Variants in NAALAD2 observed in about 807,000 individuals in gnomAD.
The protein encoded by NAALAD2 is N-acetylated alpha-linked acidic dipeptidase 2, also known as N-acetylated-alpha-linked acidic dipeptidase 2.
NAALAD2 carries 89 observed loss-of-function variants against 95.6 expected under a neutral mutation model. The observed-to-expected ratio is 0.93, with a 90% confidence interval of 0.78 to 1.11. The LOEUF (loss-of-function observed/expected upper bound fraction) is 1.11. Among genes scored for constraint, NAALAD2 ranks in the 50% least tolerant of loss-of-function variants. The probability of loss-of-function intolerance (pLI) is 0.00; values close to 1 mark genes in which losing one functional copy is unlikely to be tolerated. For synonymous variants in NAALAD2, 264 were observed against 294.4 expected, an observed-to-expected ratio of 0.90 and a Z score of 1.06; for missense variants, 894 against 872.4, an observed-to-expected ratio of 1.02 and a Z score of -0.31.
At chr11:90,161,470 C>T (rs777216003) in intron 8 of NAALAD2, among the ~76,000 whole-genome samples, 8 of 152,012 alleles carry the variant, frequency 5.3e-5, no homozygotes, top group South Asian at 2.1e-4. Flanking sequence ...TCCTATGCCC[C>T]GGGAACCATT....
chr11:90,165,786 C>T (rs896604539), intron 11 of NAALAD2, among the ~76,000 whole-genome samples: 3 of 152,046 alleles, frequency 2.0e-5, no homozygotes, highest in Non-Finnish European at 4.4e-5. Context: ...TAGAAACATG[C>T]GATTTAGAAA....
At chr11:90,149,962 A>G (rs1222726975) in intron 4 of NAALAD2, among the ~76,000 whole-genome samples, 1 of 151,974 alleles carries the variant, frequency 6.6e-6, no homozygotes. Context: ...TGCTGTTTAG[A>G]TATGTCTGGC....
intron 18 of NAALAD2, among the ~76,000 whole-genome samples, chr11:90,189,002 C>A (rs1369311770): frequency 6.6e-6 from 1 of 152,160 alleles, no homozygotes; most frequent in East Asian, 1.9e-4. Flanking sequence ...CACTAATCAG[C>A]TGAGTTAAAA....
intron 15 of NAALAD2, among the ~76,000 whole-genome samples, 185 bp from the exon 16 acceptor site, chr11:90,177,668 G>C (rs981892562): frequency 1.7e-4 from 16 of 94,650 alleles, no homozygotes; most frequent in African/African-American, 7.5e-4. Flanking sequence ...GCCCAGGCTG[G>C]TCTTGAACTC....
chr11:90,176,142 C>T (rs113512330), intron 15 of NAALAD2, 80 bp downstream of exon 15: 17 of 1,057,322 alleles, frequency 1.6e-5, no homozygotes, highest in African/African-American at 1.6e-4. Flanking sequence ...TTGTTTGGCA[C>T]CAGACACCTG....
chr11:90,177,586 GTTTTT>G (rs57694347), intron 15 of NAALAD2, among the ~76,000 whole-genome samples: 39 of 28,364 alleles, frequency 1.4e-3, no homozygotes, highest in African/African-American at 2.4e-3. Context: ...TCTTTTTCTT[GTTTTT>G]TTTTTTTTTT....
chr11:90,147,301 T>C (rs2186748), intron 2 of NAALAD2, 29 bp from the exon 3 acceptor site: 596,800 of 1,560,360 alleles, frequency 0.38, 119,468 homozygotes, highest in African/African-American at 0.63. Context: ...TAGTCTTTAA[T>C]GCCCTCTTAT....
chr11:90,139,148 T>C (rs1369997348), intron 2 of NAALAD2, among the ~76,000 whole-genome samples: 1 of 152,142 alleles, frequency 6.6e-6, no homozygotes, highest in Admixed American at 6.5e-5. Flanking sequence ...GGCAATCCCT[T>C]CCTGGCAAGG....
chr11:90,159,831 GT>G (rs760275845), intron 8 of NAALAD2, among the ~76,000 whole-genome samples: 5 of 151,412 alleles, frequency 3.3e-5, no homozygotes, highest in Admixed American at 3.3e-4. Context: ...GTGCATGCCT[GT>G]AATCCCAGCT....
chr11:90,191,207 C>T (rs1347402982), intron 18 of NAALAD2, among the ~76,000 whole-genome samples: 5 of 152,112 alleles, frequency 3.3e-5, no homozygotes, highest in African/African-American at 1.2e-4. Context: ...TTATCTTTCT[C>T]AATCTCCTCT....
chr11:90,190,039 T>C (rs1382616866), intron 18 of NAALAD2, among the ~76,000 whole-genome samples: 1 of 152,202 alleles, frequency 6.6e-6, no homozygotes, highest in Non-Finnish European at 1.5e-5. Context: ...AAAAGGGTAT[T>C]TGAGTTGCTT....
intron 1 of NAALAD2, chr11:90,135,238 A>AT: frequency 3.4e-6 from 1 of 296,760 alleles, no homozygotes; most frequent in South Asian, 9.0e-5. Context: ...ACGTAAATAA[A>AT]TATTTGTGGA....
At chr11:90,156,124 T>G (rs907473779) in intron 6 of NAALAD2, among the ~76,000 whole-genome samples, 1 of 151,954 alleles carries the variant, frequency 6.6e-6, no homozygotes, top group Non-Finnish European at 1.5e-5. Context: ...CATTTCTCCT[T>G]TAGTCCTGAT....
chr11:90,158,306 C>T, intron 7 of NAALAD2, 68 bp downstream of exon 7: 1 of 1,113,410 alleles, frequency 9.0e-7, no homozygotes, highest in Non-Finnish European at 1.4e-6. Flanking sequence ...TCATTGAAAA[C>T]CAATATGGCA....
At position 90,191,689 on chromosome 11, in the gene NAALAD2, T is replaced by C. The variant is rs1857333266; in HGVS notation, c.2165T>C (p.Ile722Thr). The change falls in exon 19 of 19, where the codon ATT becomes ACT. Residue 722 changes from isoleucine (I) to threonine (T), a missense_variant. By Grantham distance (89) the Ile-to-Thr change is moderately conservative. Coordinates refer to ENST00000534061, the MANE Select transcript of NAALAD2 (RefSeq NM_005467.4). ...GCCTGGAAAGAAGTAAAGAAACATA[T>C]TTCTATTGCAGCTTTTACAATTCAA... Reference protein sequence around the residue: ...RLAWKEVKKHISIAAFTIQAA... With the variant: ...RLAWKEVKKHTSIAAFTIQAA... The C allele has an allele frequency of 4.4e-6, 7 of 1,601,740 alleles. No homozygotes were observed. The highest frequency in any genetic ancestry group is 6.0e-6 in the Non-Finnish European group (7 of 1,174,290).
intron 6 of NAALAD2, among the ~76,000 whole-genome samples, chr11:90,156,254 C>T (rs931825090): frequency 2.6e-5 from 4 of 151,860 alleles, no homozygotes; most frequent in Non-Finnish European, 5.9e-5. Context: ...ATAGAGACAG[C>T]TCTTGCTATG....
chr11:90,136,574 G>T (rs1192570125), intron 2 of NAALAD2, among the ~76,000 whole-genome samples: 1 of 152,084 alleles, frequency 6.6e-6, no homozygotes, highest in African/African-American at 2.4e-5. Flanking sequence ...CTTTTACTCA[G>T]AATAATGATT....
At chr11:90,169,330 A>G (rs920129287) in intron 12 of NAALAD2, 3 of 178,230 alleles carry the variant, frequency 1.7e-5, no homozygotes, top group African/African-American at 7.1e-5. Context: ...TGGCTAAAAC[A>G]GTTCAGAAGA....
intron 13 of NAALAD2, among the ~76,000 whole-genome samples, chr11:90,171,182 C>A (rs372993708): frequency 1.2e-3 from 179 of 152,262 alleles, no homozygotes; most frequent in African/African-American, 4.2e-3. Flanking sequence ...CTGTGAACAT[C>A]ATTTAAATAG....
Sources: allele counts gnomAD v4.1 joint callset (sites outside exome capture counted in the v4.1 genomes callset), GRCh38; gene constraint gnomAD v4.1.1; transcripts MANE v1.5; gene names NCBI Gene and HGNC (gene_info 2026-07-23, HGNC 2026-07-21).